TBL1XR1: variants seen among roughly 807,000 people sequenced by gnomAD.
The protein encoded by TBL1XR1 is TBL1X/Y related 1.
In TBL1XR1, 5 loss-of-function variants were observed where a neutral mutation model predicts 66.9. The observed-to-expected ratio is 0.07, with a 90% confidence interval of 0.04 to 0.16. TBL1XR1 has a LOEUF of 0.16. Ranked by LOEUF, TBL1XR1 falls within the 10% of genes least tolerant of loss-of-function variation. The pLI is 1.00. For missense variants in TBL1XR1, 238 were observed against 623.2 expected (o/e 0.38, Z 6.58); for synonymous variants, 210 against 206.0 (o/e 1.02, Z -0.17).
At chr3:177,188,689 AC>A (rs1423550152) in intron 1 of TBL1XR1, among the ~76,000 whole-genome samples, 5 of 152,194 alleles carry the variant, frequency 3.3e-5, no homozygotes, top group African/African-American at 7.2e-5. Flanking sequence ...TAAATGTTCA[AC>A]AGGTATTCCT....
chr3:177,079,723 G>A (rs1451622967), intron 2 of TBL1XR1: 2 of 151,464 alleles, frequency 1.3e-5, no homozygotes, highest in African/African-American at 2.4e-5. Context: ...AAATAAATAT[G>A]GGTAGAAAAG....
chr3:177,168,368 G>A lies in TBL1XR1; in HGVS notation c.-122+28753C>T, dbSNP rs562860161. On this transcript the variant is annotated intron_variant, in intron 1 of 15. Transcript: ENST00000457928. ...GCAATCTCGGCTCACTGCAACCTCC[G>A]CCTCCCGCATTCAAGCGATTCTCCT... Among the ~76,000 whole-genome samples, 324 of 150,070 alleles carry A rather than the reference G, an allele frequency of 2.2e-3. 1 individual carries two copies. Among genetic ancestry groups the A allele is most frequent in the Admixed American group, 2.5e-3 (37 of 14,846 alleles).
At chr3:177,045,641 C>T (rs546605503) in intron 10 of TBL1XR1, among the ~76,000 whole-genome samples, 113 of 152,152 alleles carry the variant, frequency 7.4e-4, no homozygotes, top group Non-Finnish European at 1.6e-3. Context: ...GTACCTGGAT[C>T]CAAAATGAGA....
intron 3 of TBL1XR1, among the ~76,000 whole-genome samples, chr3:177,063,951 G>A (rs929422735): frequency 8.5e-5 from 13 of 152,094 alleles, no homozygotes; most frequent in African/African-American, 2.2e-4. Context: ...CTCTCAGACC[G>A]AAAGCCATGT....
intron 2 of TBL1XR1, among the ~76,000 whole-genome samples, chr3:177,093,367 T>C (rs913170159): frequency 6.6e-6 from 1 of 152,206 alleles, no homozygotes; most frequent in Admixed American, 6.5e-5. Flanking sequence ...CATGGATGGG[T>C]AGAATCAATA....
intron 2 of TBL1XR1, among the ~76,000 whole-genome samples, chr3:177,082,840 C>G (rs1368262807): frequency 6.8e-6 from 1 of 146,464 alleles, no homozygotes; most frequent in Non-Finnish European, 1.5e-5. Flanking sequence ...ACTGCAAGCT[C>G]CACCTCCCAG....
intron 3 of TBL1XR1, among the ~76,000 whole-genome samples, chr3:177,057,654 C>G (rs1445726328): frequency 6.6e-6 from 1 of 152,136 alleles, no homozygotes; most frequent in East Asian, 1.9e-4. Flanking sequence ...TTTCCAGGGA[C>G]AGCTTTTGAT....
At position 177,131,231 on chromosome 3, in the gene TBL1XR1, A is replaced by T. The variant is rs567109487; in HGVS notation, c.-121-32690T>A. ...TCAAAGAGAACATACTGAATGCCTA[A>T]CTCTTCATTCAAAGACACATAGCAA... On this transcript the variant is annotated intron_variant, in intron 1 of 15. Transcript: ENST00000457928. 739 of 486,912 alleles carry T rather than the reference A, an allele frequency of 1.5e-3. 1 individual carries two copies. The highest frequency in any genetic ancestry group is 1.8e-3 in the Non-Finnish European group (672 of 374,254). The allele number at this position is 486,912 out of a possible 1,614,324, so 30.2% of individuals were successfully genotyped here. A position where few individuals can be genotyped will look rare whatever the true frequency, so the allele number is the denominator to read the frequency against.
intron 1 of TBL1XR1, among the ~76,000 whole-genome samples, chr3:177,114,677 GA>G (rs898352775): frequency 0.038 from 5,473 of 143,276 alleles, 321 homozygotes; most frequent in African/African-American, 0.13. Context: ...AAATTAAAAA[GA>G]AAAAAAAAAA....
intron 1 of TBL1XR1, among the ~76,000 whole-genome samples, chr3:177,146,331 C>T (rs562730666): frequency 3.3e-5 from 5 of 151,832 alleles, no homozygotes; most frequent in Non-Finnish European, 5.9e-5. Context: ...TTGTTGCCCA[C>T]GCTGGAGTGC....
chr3:177,057,479 A>G (rs1717949899), intron 3 of TBL1XR1, among the ~76,000 whole-genome samples: 1 of 152,248 alleles, frequency 6.6e-6, no homozygotes, highest in South Asian at 2.1e-4. Context: ...TTTTTAAATT[A>G]GAATGCAATT....
At chr3:177,183,900 C>T (rs530844866) in intron 1 of TBL1XR1, among the ~76,000 whole-genome samples, 4 of 152,148 alleles carry the variant, frequency 2.6e-5, no homozygotes, top group East Asian at 1.9e-4. Context: ...GTCAGGAGCT[C>T]GAGACCAGCT....
At chr3:177,088,366 A>G (rs1435516776) in intron 2 of TBL1XR1, among the ~76,000 whole-genome samples, 1 of 152,210 alleles carries the variant, frequency 6.6e-6, no homozygotes, top group African/African-American at 2.4e-5. Context: ...AACTGCCCTC[A>G]GGCTATATAT....
chr3:177,070,619 C>T (rs909438546), intron 2 of TBL1XR1, among the ~76,000 whole-genome samples: 7 of 152,102 alleles, frequency 4.6e-5, no homozygotes, highest in African/African-American at 9.7e-5. Flanking sequence ...GGGGCCGAGG[C>T]GGGTGGATCA....
chr3:177,040,103 A>C (rs556901411), intron 10 of TBL1XR1, among the ~76,000 whole-genome samples: 50 of 152,312 alleles, frequency 3.3e-4, no homozygotes, highest in Non-Finnish European at 5.9e-4. Flanking sequence ...GAACTGTTTG[A>C]GCCCAGGTGT....
At chr3:177,045,504 C>T (rs1169388363) in intron 10 of TBL1XR1, among the ~76,000 whole-genome samples, 3 of 151,992 alleles carry the variant, frequency 2.0e-5, no homozygotes, top group Non-Finnish European at 4.4e-5. Flanking sequence ...GCACTATTTT[C>T]GAGGTCTGAT....
chr3:177,069,848 G>A (rs1386325113), intron 2 of TBL1XR1, among the ~76,000 whole-genome samples: 2 of 145,330 alleles, frequency 1.4e-5, no homozygotes, highest in African/African-American at 2.5e-5. Context: ...AAGGAAGGAA[G>A]GAAGGAAAAA....
chr3:177,192,712 A>G (rs914106771), intron 1 of TBL1XR1, among the ~76,000 whole-genome samples: 1 of 152,234 alleles, frequency 6.6e-6, no homozygotes, highest in Admixed American at 6.5e-5. Context: ...ACAAAGAAAC[A>G]AACTTCAAAA....
At chr3:177,153,936 G>A (rs1731198483) in intron 1 of TBL1XR1, among the ~76,000 whole-genome samples, 1 of 150,368 alleles carries the variant, frequency 6.7e-6, no homozygotes, top group Admixed American at 6.6e-5. Flanking sequence ...CACTAAAGAG[G>A]TATGGCTAAT....
Sources: allele counts gnomAD v4.1 joint callset (sites outside exome capture counted in the v4.1 genomes callset), GRCh38; gene constraint gnomAD v4.1.1; transcripts MANE v1.5; gene names NCBI Gene and HGNC (gene_info 2026-07-23, HGNC 2026-07-21).